CSMD1: variants seen among roughly 807,000 people sequenced by gnomAD.
CSMD1 encodes the protein CUB and sushi domain-containing protein 1.
In CSMD1, 213 loss-of-function variants were observed where a neutral mutation model predicts 417.5. The observed-to-expected ratio is 0.51, with a 90% CI of 0.46 to 0.57. CSMD1 has a LOEUF of 0.57. Ranked by LOEUF, CSMD1 falls within the 20% of genes least tolerant of loss-of-function variation. The probability of loss-of-function intolerance (pLI) is 0.00; values close to 1 mark genes in which losing one functional copy is unlikely to be tolerated. For synonymous variants in CSMD1, 2,862 were observed against 1,736.8 expected (o/e 1.65, Z -16.11); for missense variants, 6,923 against 4,529.7 (o/e 1.53, Z -15.17).
chr8:3,056,751 T>C (rs1224195692), intron 49 of CSMD1, among the ~76,000 whole-genome samples: 5 of 136,414 alleles, frequency 3.7e-5, no homozygotes, highest in African/African-American at 1.1e-4. Context: ...TGAATATGTA[T>C]ATATAACTTT....
intron 42 of CSMD1, among the ~76,000 whole-genome samples, chr8:3,110,565 A>G (rs559919102): frequency 6.6e-6 from 1 of 152,326 alleles, no homozygotes; most frequent in South Asian, 2.1e-4. Flanking sequence ...TATTCTCCAT[A>G]TCTTCAAAAT....
rs1340986610 is a variant in CSMD1 at position 3,929,210 on chromosome 8, G to C, written c.818+68693C>G. Reference sequence around the variant, plus strand: ...AGGAAAGCTCTTGCCTCTGCACATGGTTTCTCTTACATAAAGGAGGTGTTT... The same window carrying C: ...AGGAAAGCTCTTGCCTCTGCACATGCTTTCTCTTACATAAAGGAGGTGTTT... On this transcript the variant is annotated intron_variant, in intron 5 of 69. Coordinates refer to ENST00000635120, the MANE Select transcript of CSMD1 (RefSeq NM_033225.6). Among the ~76,000 whole-genome samples, 2 of 150,284 alleles carry C rather than the reference G, an allele frequency of 1.3e-5. 1 individual carries two copies. Among genetic ancestry groups the C allele is most frequent in the African/African-American group, 4.9e-5 (2 of 40,690 alleles).
At chr8:3,430,125 A>G (rs1293769081) in intron 12 of CSMD1, among the ~76,000 whole-genome samples, 12 of 152,198 alleles carry the variant, frequency 7.9e-5, no homozygotes, top group Non-Finnish European at 1.5e-5. Context: ...ATATACACAC[A>G]TACATATACA....
At chr8:4,495,797 T>C (rs1801951141) in intron 2 of CSMD1, among the ~76,000 whole-genome samples, 1 of 152,182 alleles carries the variant, frequency 6.6e-6, no homozygotes, top group Non-Finnish European at 1.5e-5. Flanking sequence ...TAATAGCCCA[T>C]TCTAGCTAAC....
intron 3 of CSMD1, among the ~76,000 whole-genome samples, chr8:4,134,405 A>G (rs1243959614): frequency 1.3e-5 from 2 of 152,204 alleles, no homozygotes; most frequent in Non-Finnish European, 2.9e-5. Context: ...CAAAGGGATG[A>G]CCTTTGAAGA....
chr8:3,656,458 T>C (rs78478214), intron 7 of CSMD1, among the ~76,000 whole-genome samples: 1,613 of 152,242 alleles, frequency 0.011, 53 homozygotes, highest in East Asian at 0.074. Flanking sequence ...AAAGATGGTG[T>C]TTGGTGGACA....
At chr8:3,545,624 G>A (rs1798626334) in intron 10 of CSMD1, among the ~76,000 whole-genome samples, 1 of 152,174 alleles carries the variant, frequency 6.6e-6, no homozygotes, top group African/African-American at 2.4e-5. Flanking sequence ...AACCCAAGTT[G>A]AGCAATTCAG....
At chr8:3,770,098 A>G (rs1798489385) in intron 5 of CSMD1, among the ~76,000 whole-genome samples, 2 of 152,122 alleles carry the variant, frequency 1.3e-5, no homozygotes, top group African/African-American at 4.8e-5. Flanking sequence ...CCTTCTTTCC[A>G]TCAGAGCGAT....
intron 3 of CSMD1, among the ~76,000 whole-genome samples, chr8:4,363,918 G>T (rs962608673): frequency 6.6e-6 from 1 of 152,302 alleles, no homozygotes. Context: ...TGTAGGGCAG[G>T]GGGGAGATGA....
chr8:4,377,452 C>T (rs923145180), intron 3 of CSMD1, among the ~76,000 whole-genome samples: 3 of 152,022 alleles, frequency 2.0e-5, no homozygotes, highest in African/African-American at 7.2e-5. Flanking sequence ...TTGATTTTTT[C>T]CCCCTTAAAT....
intron 5 of CSMD1, among the ~76,000 whole-genome samples, chr8:3,794,303 C>G (rs1450633453): frequency 1.3e-5 from 2 of 152,152 alleles, no homozygotes; most frequent in African/African-American, 4.8e-5. Flanking sequence ...CGACTTCAAA[C>G]TGAAAACTCT....
chr8:3,980,089 T>C (rs1813735701), intron 5 of CSMD1, among the ~76,000 whole-genome samples: 1 of 151,566 alleles, frequency 6.6e-6, no homozygotes, highest in Non-Finnish European at 1.5e-5. Flanking sequence ...TCCTAATTGA[T>C]TACTTTTGTC....
At chr8:3,758,923 G>A (rs2128077) in intron 5 of CSMD1, among the ~76,000 whole-genome samples, 2 of 152,304 alleles carry the variant, frequency 1.3e-5, no homozygotes, top group South Asian at 2.1e-4. Flanking sequence ...GTTCCAGGTA[G>A]AAGAGCCTGT....
At chr8:3,760,959 T>C (rs1797962133) in intron 5 of CSMD1, among the ~76,000 whole-genome samples, 1 of 142,332 alleles carries the variant, frequency 7.0e-6, no homozygotes, top group Non-Finnish European at 1.6e-5. Flanking sequence ...GATGTGCTTT[T>C]TCTTTTTTTT....
At chr8:4,106,553 T>TA (rs1207258815) in intron 3 of CSMD1, among the ~76,000 whole-genome samples, 1 of 152,170 alleles carries the variant, frequency 6.6e-6, no homozygotes, top group Non-Finnish European at 1.5e-5. Flanking sequence ...GAAGCCACAT[T>TA]AAAAAACTAA....
chr8:3,916,839 A>T (rs1808863861), intron 5 of CSMD1, among the ~76,000 whole-genome samples: 1 of 152,084 alleles, frequency 6.6e-6, no homozygotes, highest in Non-Finnish European at 1.5e-5. Context: ...AGATTGCTGC[A>T]GGTTAGAGAG....
intron 29 of CSMD1, among the ~76,000 whole-genome samples, chr8:3,218,444 C>T (rs1333760615): frequency 7.3e-5 from 11 of 151,600 alleles, no homozygotes; most frequent in Non-Finnish European, 8.8e-5. Context: ...GCCTGTAGTC[C>T]CAGCTACTCG....
chr8:3,355,721 C>A (rs1005444888), intron 21 of CSMD1, among the ~76,000 whole-genome samples: 1 of 152,116 alleles, frequency 6.6e-6, no homozygotes, highest in African/African-American at 2.4e-5. Flanking sequence ...GAGGTTGAAC[C>A]CTTGATCAAA....
intron 3 of CSMD1, among the ~76,000 whole-genome samples, chr8:4,239,190 A>G (rs1295194667): frequency 1.3e-5 from 2 of 152,300 alleles, no homozygotes; most frequent in East Asian, 3.9e-4. Flanking sequence ...ATCTTCTTAC[A>G]TTAGAGATAC....
Sources: allele counts gnomAD v4.1 joint callset (sites outside exome capture counted in the v4.1 genomes callset), GRCh38; gene constraint gnomAD v4.1.1; transcripts MANE v1.5; gene names NCBI Gene and HGNC (gene_info 2026-07-23, HGNC 2026-07-21).